OS9: variants seen among roughly 807,000 people sequenced by gnomAD.
OS9 encodes OS9 endoplasmic reticulum lectin.
OS9 carries 58 observed loss-of-function variants against 84.7 expected under a neutral mutation model. The observed-to-expected ratio is 0.68, with a 90% CI of 0.55 to 0.85. The LOEUF is 0.85. Among genes scored for constraint, OS9 ranks in the 40% least tolerant of loss-of-function variants. The pLI, the probability that OS9 is intolerant of heterozygous loss-of-function variation, is 0.00. For synonymous variants in OS9, 278 were observed against 320.8 expected (o/e 0.87, Z 1.43); for missense variants, 760 against 850.9 (o/e 0.89, Z 1.33).
In OS9 at chr12:57,696,281, A is replaced by G; in HGVS notation, c.487A>G (p.Lys163Glu). 1 of 1,610,816 alleles carries G rather than the reference A, an allele frequency of 6.2e-7. No individual in the cohort carries two copies. Among genetic ancestry groups the G allele is most frequent in the Non-Finnish European group, 8.5e-7 (1 of 1,178,266 alleles). Residue 163 changes from lysine to glutamate, a missense_variant, in exon 5 of 15, where the codon AAG becomes GAG. Lys to Glu is a moderately conservative substitution (Grantham distance 56). Transcript: ENST00000315970. The part of the protein sequence containing the change: ...DWDDETAKAS[K>E]QHRLKRYHSQ... The stretch of plus-strand genomic sequence containing the variant: ...TGCCTCATGTCTTCTCCAGGCCTCC[A>G]AGCAGCATCGTCTTAAACGCTACCA...
intron 2 of OS9, chr12:57,695,172 C>T: frequency 1.9e-6 from 1 of 535,314 alleles, no homozygotes. Flanking sequence ...GATTGAGGGT[C>T]TGCGTGGGGT....
intron 5 of OS9, among the ~76,000 whole-genome samples, chr12:57,713,770 G>C (rs1440461313): frequency 6.6e-6 from 1 of 151,258 alleles, no homozygotes; most frequent in Admixed American, 6.6e-5. Flanking sequence ...CTGTGGGGTA[G>C]GGGTTTGGGG....
chr12:57,715,938 A>G lies in OS9; in HGVS notation c.758A>G (p.Glu253Gly). The G allele has an allele frequency of 6.2e-7, 1 of 1,613,044 alleles. No individual in the cohort carries two copies. Among genetic ancestry groups the G allele is most frequent in the Middle Eastern group, 1.7e-4 (1 of 6,058 alleles). The part of the protein sequence containing the change: ...AILCHPSLQP[E>G]EYMAYVQRQA... Reference sequence around the variant, plus strand: ...CTCTGTCACCCTTCCCTACAGCCTGAGGAGTACATGGCCTACGTTCAGAGG... The same window carrying G: ...CTCTGTCACCCTTCCCTACAGCCTGGGGAGTACATGGCCTACGTTCAGAGG... Residue 253 changes from glutamate to glycine, a missense_variant, in exon 6 of 15, where the codon GAG becomes GGG. Coordinates refer to ENST00000315970, the MANE Select transcript of OS9 (RefSeq NM_006812.4).
chr12:57,704,078 T>C (rs1046690563), intron 5 of OS9, among the ~76,000 whole-genome samples: 1 of 152,212 alleles, frequency 6.6e-6, no homozygotes, highest in Non-Finnish European at 1.5e-5. Context: ...TTTGGGTTTT[T>C]TCCCCTTCAT....
intron 5 of OS9, among the ~76,000 whole-genome samples, chr12:57,713,782 A>G (rs1224163323): frequency 6.7e-6 from 1 of 149,028 alleles, no homozygotes; most frequent in Admixed American, 6.7e-5. Flanking sequence ...GGTTTGGGGC[A>G]TAGATTGAGG....
intron 5 of OS9, among the ~76,000 whole-genome samples, chr12:57,705,299 T>C (rs1283400706): frequency 6.6e-6 from 1 of 152,214 alleles, no homozygotes; most frequent in Non-Finnish European, 1.5e-5. Context: ...ATTGATACTT[T>C]ATAATATGAA....
At chr12:57,713,553 G>A (rs1954392855) in intron 5 of OS9, among the ~76,000 whole-genome samples, 1 of 152,168 alleles carries the variant, frequency 6.6e-6, no homozygotes, top group African/African-American at 2.4e-5. Context: ...GGGCTGAGTG[G>A]AGGAAGGGAG....
chr12:57,701,151 AATAG>A (rs1007836997), intron 5 of OS9, among the ~76,000 whole-genome samples: 1 of 152,062 alleles, frequency 6.6e-6, no homozygotes, highest in Non-Finnish European at 1.5e-5. Flanking sequence ...TATTACAGAC[AATAG>A]ATAGTGTTTT....
intron 5 of OS9, among the ~76,000 whole-genome samples, chr12:57,710,982 T>C (rs1954308806): frequency 2.3e-5 from 3 of 128,494 alleles, no homozygotes; most frequent in African/African-American, 9.0e-5. Context: ...GAGGTTGCAG[T>C]GAGCCGAGAT....
In OS9 at chr12:57,720,719, T is replaced by C; in HGVS notation, c.1879-65T>C. On this transcript the variant is annotated intron_variant, in intron 14 of 14. Coordinates refer to ENST00000315970, the MANE Select transcript of OS9 (RefSeq NM_006812.4). The stretch of plus-strand genomic sequence containing the variant: ...CATTCCCTGCCTTCCCCCAGCTGCC[T>C]GGCCCAGGACTTCCCTGGGCTCAAC... The C allele has an allele frequency of 6.5e-6, 10 of 1,545,376 alleles. No individual in the cohort carries two copies. In the South Asian group the frequency reaches 1.1e-4, roughly 17 times the overall value.
In OS9 at chr12:57,694,223, C is replaced by T; in HGVS notation, c.62C>T (p.Pro21Leu). Residue 21 changes from proline (P) to leucine (L), a missense_variant, in exon 1 of 15, where the codon CCC becomes CTC. Transcript: ENST00000315970. ...CTGCTGCTTCTGGGACTCCTGTTAC[C>T]CGCAAGTCTGACCGGCGGTGTCGGG... ...LGLLLLGLLL[P>L]ASLTGGVGSL... 6.2e-7 allele frequency: 1 copy of T among 1,614,128 alleles called. No individual in the cohort carries two copies.
chr12:57,704,408 A>G (rs777415522), intron 5 of OS9, among the ~76,000 whole-genome samples: 12 of 152,120 alleles, frequency 7.9e-5, no homozygotes, highest in Non-Finnish European at 1.3e-4. Flanking sequence ...GTGGTGGCGC[A>G]CACCTGTAAT....
At chr12:57,713,994 T>G (rs761291934) in intron 5 of OS9, among the ~76,000 whole-genome samples, 4 of 151,960 alleles carry the variant, frequency 2.6e-5, no homozygotes, top group Non-Finnish European at 4.4e-5. Flanking sequence ...CCTGTAGTCC[T>G]ACCTTGGGAG....
chr12:57,704,744 T>C (rs796240477), intron 5 of OS9, among the ~76,000 whole-genome samples: 54 of 152,322 alleles, frequency 3.5e-4, no homozygotes, highest in African/African-American at 1.3e-3. Context: ...TGAATTTTAA[T>C]TTAAAAAATT....
chr12:57,717,817 AAAGAAT>A, intron 9 of OS9, 47 bp from the exon 10 acceptor site: 2 of 876,232 alleles, frequency 2.3e-6, no homozygotes, highest in Admixed American at 2.9e-5. Context: ...AAAAAAAAAA[AAAGAAT>A]TTAAACACAA....
At chr12:57,697,798 T>C (rs1173638879) in intron 5 of OS9, among the ~76,000 whole-genome samples, 1 of 151,658 alleles carries the variant, frequency 6.6e-6, no homozygotes, top group Non-Finnish European at 1.5e-5. Context: ...CTTTAAATGA[T>C]TGGCCCCATC....
At chr12:57,720,636 G>T in intron 14 of OS9, 118 bp downstream of exon 14, 3 of 1,281,074 alleles carry the variant, frequency 2.3e-6, no homozygotes, top group Non-Finnish European at 3.3e-6. Flanking sequence ...CAAGGCTGGG[G>T]TTCCAGTGGC....
At chr12:57,708,596 C>A (rs1273862718) in intron 5 of OS9, among the ~76,000 whole-genome samples, 3 of 151,492 alleles carry the variant, frequency 2.0e-5, no homozygotes, top group Non-Finnish European at 4.4e-5. Flanking sequence ...CCATTGCACT[C>A]CAGCCTGAGC....
intron 5 of OS9, among the ~76,000 whole-genome samples, chr12:57,713,950 A>T (rs1029357157): frequency 6.6e-6 from 1 of 151,942 alleles, no homozygotes; most frequent in African/African-American, 2.4e-5. Flanking sequence ...CTACAAAAAA[A>T]TTTGTAAAAA....
Sources: gnomAD v4.1 joint callset for allele counts (sites outside exome capture counted in the v4.1 genomes callset) on GRCh38, gnomAD v4.1.1 for gene constraint, MANE v1.5 for transcripts, NCBI Gene and HGNC (gene_info 2026-07-23, HGNC 2026-07-21) for gene names.